SCN1B: variants seen among roughly 807,000 people sequenced by gnomAD.
SCN1B encodes sodium voltage-gated channel beta subunit 1.
In SCN1B, 11 loss-of-function variants were observed where a neutral mutation model predicts 25.7. That is an observed-to-expected ratio of 0.43 (90% confidence interval 0.27 to 0.71). The LOEUF is 0.71. Among genes scored for constraint, SCN1B ranks in the 30% least tolerant of loss-of-function variants. SCN1B has a pLI of 0.21. For synonymous variants in SCN1B, 119 were observed against 117.5 expected (o/e 1.01, Z -0.08); for missense variants, 224 against 291.5 (o/e 0.77, Z 1.69).
rs55742440 is a variant in SCN1B at position 35,033,920 on chromosome 19, T to C, written c.448+181T>C. 0.37 allele frequency: 580,475 copies of C among 1,567,610 alleles called. 110,048 individuals carry two copies. Among genetic ancestry groups the C allele is most frequent in the African/African-American group, 0.53 (38,830 of 73,646 alleles). ...CCACTCCAGCTCTGGCCTCTGTTTC[T>C]CTCCAGCCCACGGAGAGGTCAAAGC... On this transcript the variant is annotated intron_variant, in intron 3 of 5. Transcript: ENST00000262631.
At chr19:35,034,207 A>T in intron 3 of SCN1B, 1 of 1,523,204 alleles carries the variant, frequency 6.6e-7, no homozygotes, top group African/African-American at 1.4e-5. Context: ...TTACTGTTCG[A>T]GTAGCTCAGC....
intron 1 of SCN1B, chr19:35,031,738 A>T (rs1158166338): frequency 2.6e-5 from 4 of 153,038 alleles, no homozygotes; most frequent in Non-Finnish European, 5.8e-5. Flanking sequence ...GAAGAGACAC[A>T]GCGTTAGCTA....
At position 35,030,870 on chromosome 19, in the gene SCN1B, CGG is replaced by C; in HGVS notation, c.40+15_40+16del. 5.5e-6 allele frequency: 4 copies of C among 724,706 alleles called. No individual in the cohort carries two copies. Among genetic ancestry groups the C allele is most frequent in the Non-Finnish European group, 7.1e-6 (4 of 565,564 alleles). The allele number at this position is 724,706 out of a possible 1,614,324, so 44.9% of individuals were successfully genotyped here. A position where few individuals can be genotyped will look rare whatever the true frequency, so the allele number is the denominator to read the frequency against. On this transcript the variant is annotated intron_variant, in intron 1 of 5. Coordinates refer to ENST00000262631, the MANE Select transcript of SCN1B (RefSeq NM_001037.5). ...GTCGGCGCGGCACTGGGTGAGTGCG[CGG>C]GGGGCGCGCGCGGCCGGGGGGCACC...
In SCN1B at chr19:35,030,617, G is replaced by T. The variant is rs1568347741; in HGVS notation, c.-204G>T. On this transcript the variant is annotated 5_prime_UTR_variant, in exon 1 of 6. Transcript: ENST00000262631. ...GCCCGCGCGGCGGGGATGCCCGGACGCCGGGCCCCGGGGCTGGGCCCCCGG... is the reference window on the plus strand; with the variant it reads ...GCCCGCGCGGCGGGGATGCCCGGACTCCGGGCCCCGGGGCTGGGCCCCCGG... 1 of 155,768 alleles carries T rather than the reference G, an allele frequency of 6.4e-6. No individual in the cohort carries two copies. Among genetic ancestry groups the T allele is most frequent in the Admixed American group, 6.6e-5 (1 of 15,094 alleles). 9.6% of individuals were successfully genotyped at this position (155,768 alleles called of 1,614,324 possible).
rs775096415 is a variant in SCN1B, at chr19:35,032,554, G to A, written c.67G>A (p.Glu23Lys). ...GTCCTCAGCCTGCGGGGGCTGCGTG[G>A]AGGTGGACTCGGAGACCGAGGCCGT... ...LVSSACGGCV[E>K]VDSETEAVYG... Residue 23 changes from glutamate (E) to lysine (K), a missense_variant, in exon 2 of 6, where the codon GAG becomes AAG. Glu to Lys is a moderately conservative substitution (Grantham distance 56). Transcript: ENST00000262631. This position sits in a 1 kb window ranked among gnomAD's most constrained non-coding sequence, Gnocchi z 4.3. 1 of 1,614,048 alleles carries A rather than the reference G, an allele frequency of 6.2e-7. No homozygotes were observed. Among genetic ancestry groups the A allele is most frequent in the Admixed American group, 1.7e-5 (1 of 60,034 alleles).
At chr19:35,037,267 G>A (rs999533356) in intron 3 of SCN1B, 6 of 152,254 alleles carry the variant, frequency 3.9e-5, no homozygotes, top group African/African-American at 1.4e-4. Context: ...GGAGAAGGCA[G>A]ATGGGGACCC....
At chr19:35,034,584 G>A (rs766429780) in intron 3 of SCN1B, 45 of 175,146 alleles carry the variant, frequency 2.6e-4, no homozygotes, top group Non-Finnish European at 3.7e-4. Flanking sequence ...AAACAGCCCA[G>A]GCCTTGAAGC....
chr19:35,034,991 G>C (rs146579002), intron 3 of SCN1B: 6 of 152,362 alleles, frequency 3.9e-5, no homozygotes, highest in African/African-American at 1.4e-4. Flanking sequence ...CAGCAGGCAT[G>C]TCTGAGCCAC....
At chr19:35,034,250 G>A (rs1003567394) in intron 3 of SCN1B, 15 of 1,369,210 alleles carry the variant, frequency 1.1e-5, no homozygotes, top group South Asian at 2.8e-5. Flanking sequence ...AGGCAAGAGA[G>A]CGTGCCACCT....
chr19:35,032,794 G>C lies in SCN1B; in HGVS notation c.207+100G>C. 7.4e-7 allele frequency: 1 copy of C among 1,352,872 alleles called. No homozygotes were observed. The highest frequency in any genetic ancestry group is 1.0e-6 in the Non-Finnish European group (1 of 963,872). 83.8% of individuals were successfully genotyped at this position (1,352,872 alleles called of 1,614,324 possible). On this transcript the variant is annotated intron_variant, in intron 2 of 5. Coordinates refer to ENST00000262631, the MANE Select transcript of SCN1B (RefSeq NM_001037.5). This position sits in a 1 kb window ranked among gnomAD's most constrained non-coding sequence, Gnocchi z 4.3. ...AGGGGGCTTATTTGTTTAATAATATGCTGTGATTGCTGACCTGGATTCAGA... is the reference window on the plus strand; with the variant it reads ...AGGGGGCTTATTTGTTTAATAATATCCTGTGATTGCTGACCTGGATTCAGA...
chr19:35,034,284 C>T, intron 3 of SCN1B: 2 of 1,042,610 alleles, frequency 1.9e-6, no homozygotes, highest in Non-Finnish European at 2.7e-6. Context: ...GCACACCCCT[C>T]TGCACTCCTG....
intron 1 of SCN1B, among the ~76,000 whole-genome samples, chr19:35,031,068 G>A (rs977424504): frequency 3.3e-5 from 5 of 151,892 alleles, no homozygotes; most frequent in African/African-American, 1.2e-4. Flanking sequence ...GCGGGTGGGG[G>A]CCGGGCTGGC....
Position 35,033,310 on chromosome 19 carries a change from G to C in SCN1B, c.208-189G>C, listed in dbSNP as rs56276191. ...GTGCATCTTGGCTAGAGGCAAAAGC[G>C]GGGTCTGGTTGACTCCAGGCGTGAT... On this transcript the variant is annotated intron_variant, in intron 2 of 5. Coordinates refer to ENST00000262631, the MANE Select transcript of SCN1B (RefSeq NM_001037.5). 3.1e-3 allele frequency among the ~76,000 whole-genome samples: 473 copies of C among 152,146 alleles called. 2 individuals carry two copies. Among genetic ancestry groups the C allele is most frequent in the African/African-American group, 0.011 (445 of 41,476 alleles).
chr19:35,031,004 T>G, intron 1 of SCN1B, 144 bp downstream of exon 1: 1 of 168,570 alleles, frequency 5.9e-6, no homozygotes, highest in Non-Finnish European at 1.2e-5. Flanking sequence ...CTTCAGAAGT[T>G]GTGCGCGCGG....
chr19:35,034,182 C>T lies in SCN1B; in HGVS notation c.448+443C>T, dbSNP rs745394799. 49 of 1,542,008 alleles carry T rather than the reference C, an allele frequency of 3.2e-5. No individual in the cohort carries two copies. The highest frequency in any genetic ancestry group is 4.1e-5 in the African/African-American group (3 of 72,866). On this transcript the variant is annotated intron_variant, in intron 3 of 5. Coordinates refer to ENST00000262631, the MANE Select transcript of SCN1B (RefSeq NM_001037.5). ...TCCAGCAGAGCCTTGCAGGTGGTGG[C>T]GAGGGTGGCGGTTCTTACTGTTCGA...
At chr19:35,034,326 A>C in intron 3 of SCN1B, 3 of 673,346 alleles carry the variant, frequency 4.5e-6, no homozygotes, top group Non-Finnish European at 4.9e-6. Context: ...CTGCAGTCTC[A>C]CTCAACACCT....
In SCN1B at chr19:35,039,696, G is replaced by A. The variant is rs1555721538; in HGVS notation, c.652G>A (p.Glu218Lys). ...GAACTGCACGGGCGTCCAGGTGGCC[G>A]AATAGCCCTGGTAAGGCGGATGGGC... The part of the protein sequence containing the change: ...KENCTGVQVA[E>K] The change falls in exon 5 of 6, where the codon GAA becomes AAA. Residue 218 changes from glutamate (E) to lysine (K), a missense_variant. Around this residue, in one of 3 missense-constraint regions of SCN1B, gnomAD observed 52 missense variants for 50.8 expected, o/e 1.02. Transcript: ENST00000262631. The A allele has an allele frequency of 3.1e-6, 5 of 1,614,148 alleles. No homozygotes were observed. Among genetic ancestry groups the A allele is most frequent in the Non-Finnish European group, 3.4e-6 (4 of 1,179,994 alleles).
At chr19:35,033,330 C>T (rs770543331) in intron 2 of SCN1B, among the ~76,000 whole-genome samples, 169 bp from the exon 3 acceptor site, 50 of 152,180 alleles carry the variant, frequency 3.3e-4, no homozygotes, top group African/African-American at 7.2e-4. Flanking sequence ...TGACTCCAGG[C>T]GTGATCCTAG....
rs1420819615 is a variant in SCN1B at position 35,034,262 on chromosome 19, G to A, written c.448+523G>A. Reference sequence around the variant, plus strand: ...ATGAGGCAAGAGAGCGTGCCACCTAGAGCAGAGTTCCGCACACCCCTCTGC... The same window carrying A: ...ATGAGGCAAGAGAGCGTGCCACCTAAAGCAGAGTTCCGCACACCCCTCTGC... On this transcript the variant is annotated intron_variant, in intron 3 of 5. Transcript: ENST00000262631. 4.6e-6 allele frequency: 6 copies of A among 1,295,846 alleles called. No individual in the cohort carries two copies. The African/African-American group carries it at 5.9e-5, about 13-fold the overall frequency. The allele number at this position is 1,295,846 out of a possible 1,614,324, so 80.3% of individuals were successfully genotyped here.
Sources: gnomAD v4.1 joint callset for allele counts (sites outside exome capture counted in the v4.1 genomes callset) on GRCh38, gnomAD v4.1.1 for gene constraint, gnomAD v4.1.1 regional missense constraint, Gnocchi (gnomAD v3.1) non-coding constraint, MANE v1.5 for transcripts, NCBI Gene and HGNC (gene_info 2026-07-23, HGNC 2026-07-21) for gene names.